Variants in RAP1GDS1 observed in about 807,000 individuals in gnomAD.
The protein encoded by RAP1GDS1 is RAP1, GTP-GDP dissociation stimulator 1.
In RAP1GDS1, 35 loss-of-function variants were observed where a neutral mutation model predicts 71.1. The observed-to-expected ratio is 0.49, with a 90% CI of 0.38 to 0.65. The LOEUF (loss-of-function observed/expected upper bound fraction) is 0.65, where lower values mean the gene tolerates loss of function less well. RAP1GDS1 is among the 30% of genes least tolerant of loss of function. The probability of loss-of-function intolerance (pLI) is 0.00; values close to 1 mark genes in which losing one functional copy is unlikely to be tolerated. For missense variants in RAP1GDS1, 663 were observed against 706.1 expected, an observed-to-expected ratio of 0.94 and a Z score of 0.69; for synonymous variants, 229 against 243.1, an observed-to-expected ratio of 0.94 and a Z score of 0.54.
rs539551826 is a variant in RAP1GDS1 at position 98,403,311 on chromosome 4, A to G, written c.638-1166A>G. On this transcript the variant is annotated intron_variant, in intron 6 of 14. Coordinates refer to ENST00000408927, the MANE Select transcript of RAP1GDS1 (RefSeq NM_001100427.2). Reference sequence around the variant, plus strand: ...TAGGATACTTAATGCAACCAAAGACATTGAGAGGAGAATTGGAGAGAAATG... The same window carrying G: ...TAGGATACTTAATGCAACCAAAGACGTTGAGAGGAGAATTGGAGAGAAATG... 2.6e-5 allele frequency among the ~76,000 whole-genome samples: 4 copies of G among 152,212 alleles called. No homozygotes were observed. The South Asian group carries it at 8.3e-4, about 31-fold the overall frequency.
At chr4:98,434,326 T>C (rs1006464200) in intron 13 of RAP1GDS1, among the ~76,000 whole-genome samples, 1 of 152,152 alleles carries the variant, frequency 6.6e-6, no homozygotes, top group Non-Finnish European at 1.5e-5. Context: ...ACTTAGAGAA[T>C]AGAGAAAACG....
At chr4:98,407,924 G>A (rs1465625951) in intron 7 of RAP1GDS1, among the ~76,000 whole-genome samples, 1 of 151,998 alleles carries the variant, frequency 6.6e-6, no homozygotes, top group African/African-American at 2.4e-5. Flanking sequence ...AATTACTACA[G>A]TTGAGTCTGA....
At chr4:98,331,943 A>G (rs1022813948) in intron 2 of RAP1GDS1, among the ~76,000 whole-genome samples, 11 of 152,198 alleles carry the variant, frequency 7.2e-5, no homozygotes, top group African/African-American at 2.7e-4. Flanking sequence ...AAAGCAATAC[A>G]GAAAGTTACA....
chr4:98,305,299 A>T (rs1025803484), intron 2 of RAP1GDS1, among the ~76,000 whole-genome samples: 5 of 152,134 alleles, frequency 3.3e-5, no homozygotes. Flanking sequence ...CTTCCTATCC[A>T]TGAGCATGCA....
chr4:98,434,996 A>G (rs1483465051), intron 13 of RAP1GDS1, among the ~76,000 whole-genome samples: 1 of 152,176 alleles, frequency 6.6e-6, no homozygotes, highest in Non-Finnish European at 1.5e-5. Context: ...TGAATAGCAT[A>G]AGCTGGATGG....
chr4:98,379,387 C>A, intron 5 of RAP1GDS1: 1 of 409,536 alleles, frequency 2.4e-6, no homozygotes, highest in Non-Finnish European at 4.2e-6. Context: ...TGATCAGTAT[C>A]AAAAACAAAA....
chr4:98,284,335 A>G (rs144154542), intron 1 of RAP1GDS1, among the ~76,000 whole-genome samples: 1 of 152,290 alleles, frequency 6.6e-6, no homozygotes, highest in Non-Finnish European at 1.5e-5. Context: ...TCACCCAGGT[A>G]CTGAACATAT....
At chr4:98,404,972 T>C (rs1745919763) in intron 7 of RAP1GDS1, among the ~76,000 whole-genome samples, 1 of 152,112 alleles carries the variant, frequency 6.6e-6, no homozygotes, top group East Asian at 1.9e-4. Context: ...ATCACTCCCT[T>C]CTTTGGGCAG....
intron 4 of RAP1GDS1, among the ~76,000 whole-genome samples, chr4:98,366,252 A>G (rs1051433604): frequency 3.3e-5 from 5 of 152,080 alleles, no homozygotes; most frequent in Admixed American, 6.5e-5. Context: ...GATGGTTATT[A>G]TAAGGGGGAG....
At position 98,439,852 on chromosome 4, in the gene RAP1GDS1, A is replaced by G. The variant is rs947298463; in HGVS notation, c.1697-2138A>G. 1.1e-4 allele frequency among the ~76,000 whole-genome samples: 17 copies of G among 152,200 alleles called. 1 individual carries two copies. Among genetic ancestry groups the G allele is most frequent in the Admixed American group, 1.1e-3 (17 of 15,276 alleles). On this transcript the variant is annotated intron_variant, in intron 14 of 14. Transcript: ENST00000408927. Reference sequence around the variant, plus strand: ...GTAAAACATACAAAACATAAAATTTACTGTTTTAACCATTTTTAAGTATAC... The same window carrying G: ...GTAAAACATACAAAACATAAAATTTGCTGTTTTAACCATTTTTAAGTATAC...
chr4:98,393,069 T>TATTA (rs1020044165), intron 6 of RAP1GDS1, among the ~76,000 whole-genome samples: 1 of 152,142 alleles, frequency 6.6e-6, no homozygotes, highest in African/African-American at 2.4e-5. Flanking sequence ...AATAATAAAT[T>TATTA]ATTATGGGCA....
chr4:98,399,962 C>G (rs1339370149), intron 6 of RAP1GDS1, among the ~76,000 whole-genome samples: 1 of 152,036 alleles, frequency 6.6e-6, no homozygotes, highest in Non-Finnish European at 1.5e-5. Context: ...TGAGACCAGC[C>G]TGGGTGACAT....
chr4:98,347,523 GA>G (rs1211871868), intron 3 of RAP1GDS1, among the ~76,000 whole-genome samples: 7 of 151,654 alleles, frequency 4.6e-5, no homozygotes, highest in Non-Finnish European at 7.4e-5. Flanking sequence ...GTTTTGCAAA[GA>G]AAAAAAAGTG....
At chr4:98,386,612 T>G (rs1163671728) in intron 5 of RAP1GDS1, among the ~76,000 whole-genome samples, 1 of 151,204 alleles carries the variant, frequency 6.6e-6, no homozygotes, top group African/African-American at 2.4e-5. Flanking sequence ...ATCATTGAAA[T>G]GTATAATGGG....
intron 6 of RAP1GDS1, among the ~76,000 whole-genome samples, chr4:98,400,816 C>A (rs534316735): frequency 1.3e-5 from 2 of 151,958 alleles, no homozygotes; most frequent in Non-Finnish European, 2.9e-5. Flanking sequence ...CACAGTGTAC[C>A]CCATATACAA....
At chr4:98,291,276 A>T (rs1276687226) in intron 1 of RAP1GDS1, among the ~76,000 whole-genome samples, 1 of 152,160 alleles carries the variant, frequency 6.6e-6, no homozygotes, top group African/African-American at 2.4e-5. Flanking sequence ...CACAAGACGA[A>T]CTAGACCATA....
intron 2 of RAP1GDS1, among the ~76,000 whole-genome samples, chr4:98,294,652 A>C (rs577829770): frequency 2.6e-5 from 4 of 152,206 alleles, no homozygotes; most frequent in Admixed American, 2.6e-4. Context: ...ATTTAATACA[A>C]GTAAATAAAA....
At chr4:98,273,065 G>T (rs907011223) in intron 1 of RAP1GDS1, among the ~76,000 whole-genome samples, 1 of 152,084 alleles carries the variant, frequency 6.6e-6, no homozygotes, top group African/African-American at 2.4e-5. Context: ...GCTCTCAATT[G>T]GTCATTGTCG....
At chr4:98,352,351 GCCACCTTTT>G in intron 3 of RAP1GDS1, 116 bp from the exon 4 acceptor site, 1 of 986,386 alleles carries the variant, frequency 1.0e-6, no homozygotes, top group Non-Finnish European at 1.5e-6. Flanking sequence ...CAAATATTCA[GCCACCTTTT>G]CAAGGTGGCT....
Sources: gnomAD v4.1 joint callset for allele counts (sites outside exome capture counted in the v4.1 genomes callset) on GRCh38, gnomAD v4.1.1 for gene constraint, MANE v1.5 for transcripts, NCBI Gene and HGNC (gene_info 2026-07-23, HGNC 2026-07-21) for gene names.